Variants in AGMO observed in about 807,000 individuals in gnomAD.
AGMO encodes the protein glyceryl-ether monooxygenase.
AGMO carries 75 observed loss-of-function variants against 60.2 expected under a neutral mutation model. The ratio of observed to expected loss-of-function variants is 1.25; its 90% confidence interval spans 1.03 to 1.51. The LOEUF (loss-of-function observed/expected upper bound fraction) is 1.51. Among genes scored for constraint, AGMO ranks in the 40% most tolerant of loss-of-function variants. AGMO has a pLI of 0.00. For missense variants in AGMO, 763 were observed against 525.5 expected (o/e 1.45, Z -4.42); for synonymous variants, 261 against 177.1 (o/e 1.47, Z -3.76).
At chr7:15,322,284 A>G (rs1207652659) in intron 12 of AGMO, among the ~76,000 whole-genome samples, 1 of 148,272 alleles carries the variant, frequency 6.7e-6, no homozygotes, top group Non-Finnish European at 1.5e-5. Context: ...ACGCCACTTA[A>G]AAAAACAAAA....
the AGMO span, among the ~76,000 whole-genome samples, chr7:15,185,124 T>A: frequency 3.9e-4 from 60 of 152,248 alleles, no homozygotes; most frequent in Non-Finnish European, 2.2e-4. Flanking sequence ...TTTAGGGAAG[T>A]TTTTTTATAT....
chr7:15,400,518 CTG>C lies in AGMO; in HGVS notation c.610-6341_610-6340del, dbSNP rs1301777166. On this transcript the variant is annotated intron_variant, in intron 5 of 12. Transcript: ENST00000342526. ...ACCTTTACTGTTCAGGAGGAAAACA[CTG>C]TATAATTTCTGTGTTCTAATCTGGG... is the stretch of plus-strand genomic sequence containing the variant. Among the ~76,000 whole-genome samples, 4 of 152,218 alleles carry C rather than the reference CTG, an allele frequency of 2.6e-5. No homozygotes were observed. The East Asian group carries it at 7.7e-4, about 29-fold the overall frequency.
intron 12 of AGMO, among the ~76,000 whole-genome samples, chr7:15,298,791 C>T (rs1415330410): frequency 6.6e-6 from 1 of 152,098 alleles, no homozygotes; most frequent in African/African-American, 2.4e-5. Flanking sequence ...GAAACAATGA[C>T]CATTCTATTC....
intron 3 of AGMO, among the ~76,000 whole-genome samples, chr7:15,535,981 C>T (rs533462494): frequency 1.3e-5 from 2 of 151,810 alleles, no homozygotes; most frequent in East Asian, 1.9e-4. Context: ...CGACTGAGTG[C>T]CTACTTTATA....
chr7:15,434,185 T>C (rs1321930241), intron 3 of AGMO, among the ~76,000 whole-genome samples: 1 of 152,062 alleles, frequency 6.6e-6, no homozygotes, highest in Non-Finnish European at 1.5e-5. Context: ...GATAATGCAG[T>C]GGGATGAAAC....
At chr7:15,313,196 T>C (rs1780818900) in intron 12 of AGMO, among the ~76,000 whole-genome samples, 1 of 152,180 alleles carries the variant, frequency 6.6e-6, no homozygotes, top group African/African-American at 2.4e-5. Context: ...AATAAAGGCA[T>C]GTTTCTCACT....
chr7:15,154,076 A>G, the AGMO span, among the ~76,000 whole-genome samples: 1 of 152,180 alleles, frequency 6.6e-6, no homozygotes, highest in African/African-American at 2.4e-5. Context: ...ATTGGTAAAG[A>G]GGAAATCAAA....
chr7:15,362,451 C>T (rs1328045742), intron 12 of AGMO, among the ~76,000 whole-genome samples: 1 of 152,134 alleles, frequency 6.6e-6, no homozygotes, highest in Admixed American at 6.5e-5. Context: ...ATAATAGTAA[C>T]ACTCTAATAA....
At chr7:15,373,968 G>A (rs1783339347) in intron 10 of AGMO, among the ~76,000 whole-genome samples, 1 of 152,120 alleles carries the variant, frequency 6.6e-6, no homozygotes, top group Non-Finnish European at 1.5e-5. Flanking sequence ...CAGCAGATTG[G>A]CTTTCTTGGC....
rs1291308285 is a variant in AGMO, at chr7:15,387,470, A to G, written c.893T>C (p.Ile298Thr). 1.2e-6 allele frequency: 2 copies of G among 1,614,146 alleles called. No homozygotes were observed. Among genetic ancestry groups the G allele is most frequent in the South Asian group, 1.1e-5 (1 of 91,078 alleles). ...TPGFFNKFSVIFKGPGWGPGK... is the reference protein window; with the variant it reads ...TPGFFNKFSVTFKGPGWGPGK... ...TGGACCCCATCCCGGTCCCTTAAAT[A>G]TGACAGAAAACTTATTGAAGAATCC... Residue 298 changes from isoleucine (I) to threonine (T), a missense_variant, in exon 9 of 13, where the codon ATA (isoleucine) becomes ACA (threonine). Physicochemically the swap from Ile to Thr is moderately conservative, Grantham distance 89 (BLOSUM62 -1). Transcript: ENST00000342526.
At chr7:15,320,548 T>A (rs1383834426) in intron 12 of AGMO, among the ~76,000 whole-genome samples, 30 of 152,088 alleles carry the variant, frequency 2.0e-4, no homozygotes, top group Non-Finnish European at 1.3e-4. Context: ...AAGATTCACA[T>A]GGCATCTTCA....
At chr7:15,381,969 A>T (rs1783711509) in intron 10 of AGMO, among the ~76,000 whole-genome samples, 1 of 152,160 alleles carries the variant, frequency 6.6e-6, no homozygotes, top group African/African-American at 2.4e-5. Flanking sequence ...GGAGCGCTAA[A>T]TGATGAGAAC....
chr7:15,508,192 T>G (rs1283960382), intron 3 of AGMO, among the ~76,000 whole-genome samples: 2 of 152,080 alleles, frequency 1.3e-5, no homozygotes, highest in African/African-American at 4.8e-5. Flanking sequence ...AAATGAATAT[T>G]GTTTAAAATA....
intron 12 of AGMO, chr7:15,306,491 A>C (rs1249421736): frequency 6.4e-6 from 3 of 469,888 alleles, no homozygotes; most frequent in African/African-American, 6.0e-5. Context: ...CAGCTGTGAG[A>C]CAGTCACTCA....
In AGMO at chr7:15,319,410, A is replaced by C. The variant is rs112523630; in HGVS notation, c.1263+46104T>G. ...TTCAAAAGAGAGGCCCTCATAAAAC[A>C]ACCCTGAATTTGGACTGGGGATCCA... On this transcript the variant is annotated intron_variant, in intron 12 of 12. Coordinates refer to ENST00000342526, the MANE Select transcript of AGMO (RefSeq NM_001004320.2). 7.2e-3 allele frequency among the ~76,000 whole-genome samples: 1,092 copies of C among 152,238 alleles called. 9 individuals are homozygous for C. The highest frequency in any genetic ancestry group is 0.025 in the African/African-American group (1,033 of 41,546).
intron 12 of AGMO, among the ~76,000 whole-genome samples, chr7:15,345,042 A>G (rs1781983384): frequency 1.3e-5 from 2 of 152,128 alleles, no homozygotes; most frequent in African/African-American, 4.8e-5. Flanking sequence ...CATGTTTACT[A>G]AAATATATTT....
chr7:15,309,154 A>C (rs1780694896), intron 12 of AGMO, among the ~76,000 whole-genome samples: 1 of 152,134 alleles, frequency 6.6e-6, no homozygotes, highest in Non-Finnish European at 1.5e-5. Flanking sequence ...CCTTTATAGG[A>C]AGACAAGCCC....
At chr7:15,205,695 G>C (rs990836753) in intron 12 of AGMO, among the ~76,000 whole-genome samples, 2 of 151,854 alleles carry the variant, frequency 1.3e-5, no homozygotes, top group African/African-American at 2.4e-5. Context: ...ACAAATTGAA[G>C]GGTTATTACT....
the AGMO span, among the ~76,000 whole-genome samples, chr7:15,149,108 A>G: frequency 6.6e-6 from 1 of 152,084 alleles, no homozygotes; most frequent in Non-Finnish European, 1.5e-5. Context: ...TTTTCCATGT[A>G]TATGTCTTTT....
Sources: gnomAD v4.1 joint callset for allele counts (sites outside exome capture counted in the v4.1 genomes callset) on GRCh38, gnomAD v4.1.1 for gene constraint, MANE v1.5 for transcripts, NCBI Gene and HGNC (gene_info 2026-07-23, HGNC 2026-07-21) for gene names.